Variants in PARVA observed in about 807,000 individuals in gnomAD.
PARVA encodes the protein parvin alpha.
A neutral mutation model predicts 52.6 loss-of-function variants in PARVA; 25 were observed. The observed-to-expected ratio is 0.48, with a 90% CI of 0.35 to 0.66. The LOEUF is 0.66. PARVA is among the 30% of genes least tolerant of loss of function. The pLI, the probability that PARVA is intolerant of heterozygous loss-of-function variation, is 0.01. For synonymous variants in PARVA, 185 were observed against 179.1 expected, an observed-to-expected ratio of 1.03 and a Z score of -0.26; for missense variants, 373 against 450.9, an observed-to-expected ratio of 0.83 and a Z score of 1.56.
At chr11:12,527,520 C>T (rs1357240907) in intron 12 of PARVA, among the ~76,000 whole-genome samples, 1 of 152,024 alleles carries the variant, frequency 6.6e-6, no homozygotes, top group Non-Finnish European at 1.5e-5. Context: ...AATGCACCCC[C>T]TGGTCTTCCA....
upstream of PARVA, chr11:12,376,788 ACTGTGCTTT>A: frequency 1.1e-6 from 1 of 914,762 alleles, no homozygotes; most frequent in Non-Finnish European, 1.3e-6. Context: ...TCCTTCAAAC[ACTGTGCTTT>A]GTATGACTCC....
chr11:12,426,725 T>C (rs1421954015), intron 1 of PARVA, among the ~76,000 whole-genome samples: 2 of 152,150 alleles, frequency 1.3e-5, no homozygotes, highest in Non-Finnish European at 2.9e-5. Context: ...CCAGGTTGTC[T>C]TGTGCCTCCA....
intron 12 of PARVA, among the ~76,000 whole-genome samples, chr11:12,524,200 G>A (rs1174473890): frequency 1.3e-5 from 2 of 152,130 alleles, no homozygotes; most frequent in Admixed American, 6.5e-5. Context: ...GGCAAAGATG[G>A]GAAAACAGAA....
At position 12,535,081 on chromosome 11, in the gene PARVA, C is replaced by A. The variant is rs975725346; in HGVS notation, c.*7156C>A. 6.6e-6 allele frequency among the ~76,000 whole-genome samples: 1 copy of A among 152,202 alleles called. No individual in the cohort carries two copies. The highest frequency in any genetic ancestry group is 1.5e-5 in the Non-Finnish European group (1 of 68,044). Reference sequence around the variant, plus strand: ...GCTCTCTGATCCACTGCACTTGGGGCAGGGGGTGCATTCTCTGTGCCTCTC... The same window carrying A: ...GCTCTCTGATCCACTGCACTTGGGGAAGGGGGTGCATTCTCTGTGCCTCTC... On this transcript the variant is annotated 3_prime_UTR_variant, in exon 13 of 13. Coordinates refer to ENST00000334956, the MANE Select transcript of PARVA (RefSeq NM_018222.5).
At chr11:12,397,665 C>G (rs909582536) in intron 1 of PARVA, among the ~76,000 whole-genome samples, 3 of 152,138 alleles carry the variant, frequency 2.0e-5, no homozygotes, top group Non-Finnish European at 4.4e-5. Context: ...AAATACTTCT[C>G]TTTAGCCACA....
chr11:12,391,309 G>C (rs186684575), intron 1 of PARVA, among the ~76,000 whole-genome samples: 121 of 152,276 alleles, frequency 7.9e-4, no homozygotes, highest in African/African-American at 2.7e-3. Flanking sequence ...TGGAGCAGGT[G>C]GGAAACAGGA....
chr11:12,416,528 A>G (rs775714711), intron 1 of PARVA, among the ~76,000 whole-genome samples: 16 of 152,196 alleles, frequency 1.1e-4, no homozygotes, highest in Non-Finnish European at 2.1e-4. Flanking sequence ...TTTCACAGAC[A>G]GCTTATATGG....
At chr11:12,496,288 G>T (rs1297364482) in intron 4 of PARVA, among the ~76,000 whole-genome samples, 170 bp from the exon 5 acceptor site, 8 of 150,034 alleles carry the variant, frequency 5.3e-5, no homozygotes, top group African/African-American at 1.9e-4. Context: ...CCACCATAAG[G>T]TGATGAGGGG....
chr11:12,434,936 C>T (rs1345691561), intron 1 of PARVA, among the ~76,000 whole-genome samples: 1 of 152,172 alleles, frequency 6.6e-6, no homozygotes, highest in African/African-American at 2.4e-5. Context: ...TAACCCCAGT[C>T]CTCAGTCCGC....
At chr11:12,384,064 C>G (rs968712523) in intron 1 of PARVA, among the ~76,000 whole-genome samples, 1 of 152,150 alleles carries the variant, frequency 6.6e-6, no homozygotes, top group Admixed American at 6.5e-5. Flanking sequence ...TGCCCTAGTC[C>G]CTTCCAAGGA....
intron 1 of PARVA, among the ~76,000 whole-genome samples, chr11:12,424,747 CCTCTT>C (rs1371283450): frequency 5.3e-5 from 8 of 152,266 alleles, no homozygotes; most frequent in South Asian, 4.1e-4. Flanking sequence ...GAATAAATCT[CCTCTT>C]CTGATTTTGA....
At chr11:12,488,294 C>T (rs1315687129) in intron 4 of PARVA, among the ~76,000 whole-genome samples, 1 of 152,108 alleles carries the variant, frequency 6.6e-6, no homozygotes, top group Non-Finnish European at 1.5e-5. Context: ...ACTAGATGTT[C>T]AGATAAATCT....
intron 9 of PARVA, 21 bp from the exon 10 acceptor site, chr11:12,513,976 C>A: frequency 6.2e-7 from 1 of 1,609,918 alleles, no homozygotes; most frequent in Non-Finnish European, 8.5e-7. Flanking sequence ...CAGCTTAGGG[C>A]CTGCTTTGCT....
chr11:12,449,863 CTG>C (rs1216306312), intron 1 of PARVA, among the ~76,000 whole-genome samples: 5 of 152,308 alleles, frequency 3.3e-5, no homozygotes, highest in Non-Finnish European at 7.3e-5. Context: ...TTGAGAAACT[CTG>C]AGCTAGATTG....
intron 5 of PARVA, among the ~76,000 whole-genome samples, chr11:12,497,531 C>G (rs532282875): frequency 6.6e-6 from 1 of 152,350 alleles, no homozygotes; most frequent in Non-Finnish European, 1.5e-5. Flanking sequence ...TCCAGCAGGT[C>G]TCTAACATCT....
intron 1 of PARVA, among the ~76,000 whole-genome samples, chr11:12,409,540 GAAGA>G (rs1291187505): frequency 1.4e-4 from 22 of 152,226 alleles, no homozygotes; most frequent in African/African-American, 3.6e-4. Context: ...AGAGAGGACA[GAAGA>G]AAGAGTCAGA....
intron 1 of PARVA, among the ~76,000 whole-genome samples, chr11:12,393,044 GAAAAA>G (rs60966710): frequency 4.5e-4 from 21 of 46,168 alleles, no homozygotes; most frequent in South Asian, 9.2e-4. Context: ...CCCAAATTGT[GAAAAA>G]AAAAAAAAAA....
At chr11:12,509,752 G>A (rs1197083826) in intron 7 of PARVA, among the ~76,000 whole-genome samples, 4 of 152,292 alleles carry the variant, frequency 2.6e-5, no homozygotes, top group Admixed American at 2.0e-4. Flanking sequence ...CACCTCAGAG[G>A]CCAGTCTTGG....
chr11:12,476,735 G>A (rs1294649488), intron 3 of PARVA, among the ~76,000 whole-genome samples: 3 of 152,170 alleles, frequency 2.0e-5, no homozygotes, highest in South Asian at 2.1e-4. Flanking sequence ...ACAGTGCAGT[G>A]CCTGGTATAC....
Sources: allele counts gnomAD v4.1 joint callset (sites outside exome capture counted in the v4.1 genomes callset), GRCh38; gene constraint gnomAD v4.1.1; transcripts MANE v1.5; gene names NCBI Gene and HGNC (gene_info 2026-07-23, HGNC 2026-07-21).